Variants in PTPRD observed in about 807,000 individuals in gnomAD.
PTPRD encodes protein tyrosine phosphatase receptor type D, also known as receptor-type tyrosine-protein phosphatase delta.
Under a neutral mutation model 214.5 loss-of-function variants are expected in PTPRD, and 34 were observed. That is an observed-to-expected ratio of 0.16 (90% CI 0.12 to 0.21). The LOEUF (loss-of-function observed/expected upper bound fraction) is 0.21, where lower values mean the gene tolerates loss of function less well. Among genes scored for constraint, PTPRD ranks in the 10% least tolerant of loss-of-function variants. PTPRD has a pLI of 1.00. For missense variants in PTPRD, 2,545 were observed against 2,398.7 expected, an observed-to-expected ratio of 1.06 and a Z score of -1.27; for synonymous variants, 1,128 against 845.7, an observed-to-expected ratio of 1.33 and a Z score of -5.79.
chr9:8,982,731 T>A (rs1425331634), intron 11 of PTPRD, among the ~76,000 whole-genome samples: 1 of 152,042 alleles, frequency 6.6e-6, no homozygotes, highest in Non-Finnish European at 1.5e-5. Flanking sequence ...TTCTAGATTA[T>A]CAATTCATAT....
chr9:9,194,898 A>G (rs550656186), intron 9 of PTPRD, among the ~76,000 whole-genome samples: 16 of 152,072 alleles, frequency 1.1e-4, no homozygotes, highest in Admixed American at 3.3e-4. Flanking sequence ...TATCTTTAGT[A>G]AGTCAGTGAC....
intron 4 of PTPRD, among the ~76,000 whole-genome samples, chr9:9,998,129 A>AATATATATATATATATATATATATAT (rs1555449231): frequency 1.5e-4 from 14 of 91,442 alleles, no homozygotes; most frequent in African/African-American, 7.7e-4. Flanking sequence ...AAAAAAAAAA[A>AATATATATATATATATATATATATAT]ATATATATAT....
At chr9:8,768,244 AAAAAT>A (rs1299096695) in intron 11 of PTPRD, among the ~76,000 whole-genome samples, 1 of 152,172 alleles carries the variant, frequency 6.6e-6, no homozygotes, top group Non-Finnish European at 1.5e-5. Flanking sequence ...AAAAAAATTA[AAAAAT>A]AAAATAACAC....
At chr9:8,708,399 T>C (rs576490594) in intron 12 of PTPRD, among the ~76,000 whole-genome samples, 12 of 151,944 alleles carry the variant, frequency 7.9e-5, no homozygotes, top group African/African-American at 2.9e-4. Context: ...ACAGGCCAGG[T>C]GCAGTGGCTC....
At chr9:9,290,070 C>T (rs1220634912) in intron 9 of PTPRD, among the ~76,000 whole-genome samples, 1 of 151,644 alleles carries the variant, frequency 6.6e-6, no homozygotes, top group Non-Finnish European at 1.5e-5. Context: ...TTTGTATTCC[C>T]ACCAATGGTA....
rs540802826 is a variant in PTPRD at position 8,902,779 on chromosome 9, G to A, written c.-104+115918C>T. ...CAAATCTGTCCAACACATGGTATAC[G>A]GTGGTTAAAAAATCTATTTGAATTT... On this transcript the variant is annotated intron_variant, in intron 11 of 45. Transcript: ENST00000381196. Among the ~76,000 whole-genome samples the A allele has an allele frequency of 1.4e-4, 21 of 152,226 alleles. No individual in the cohort carries two copies. The South Asian group carries it at 4.2e-3, about 30-fold the overall frequency.
At chr9:8,377,552 A>G (rs1488465080) in intron 37 of PTPRD, among the ~76,000 whole-genome samples, 3 of 152,076 alleles carry the variant, frequency 2.0e-5, no homozygotes, top group Admixed American at 1.3e-4. Flanking sequence ...ACACAGCACA[A>G]TATTTTTGGA....
At chr9:9,084,143 G>T (rs533805333) in intron 10 of PTPRD, among the ~76,000 whole-genome samples, 1 of 152,058 alleles carries the variant, frequency 6.6e-6, no homozygotes, top group Non-Finnish European at 1.5e-5. Flanking sequence ...CAAAGACTTG[G>T]AACCAACCCA....
intron 5 of PTPRD, among the ~76,000 whole-genome samples, chr9:9,810,705 A>C (rs1172977132): frequency 6.6e-6 from 1 of 152,184 alleles, no homozygotes; most frequent in Admixed American, 6.5e-5. Context: ...AAGGATATCA[A>C]TGTTTTTATG....
intron 8 of PTPRD, among the ~76,000 whole-genome samples, chr9:9,501,346 T>A (rs1296398089): frequency 6.6e-6 from 1 of 151,932 alleles, no homozygotes; most frequent in Non-Finnish European, 1.5e-5. Flanking sequence ...TCAGAAAAAG[T>A]AGGCTTCTAA....
At chr9:8,611,612 G>A (rs970053998) in intron 14 of PTPRD, among the ~76,000 whole-genome samples, 1 of 151,888 alleles carries the variant, frequency 6.6e-6, no homozygotes, top group African/African-American at 2.4e-5. Flanking sequence ...GGGTCAGGTG[G>A]GAGGACCACC....
chr9:9,331,831 G>C (rs1051622480), intron 9 of PTPRD, among the ~76,000 whole-genome samples: 1 of 151,964 alleles, frequency 6.6e-6, no homozygotes, highest in Non-Finnish European at 1.5e-5. Context: ...TTTGGGGCTT[G>C]GGAGATCATC....
At chr9:9,742,258 A>G (rs1487291043) in intron 6 of PTPRD, among the ~76,000 whole-genome samples, 1 of 152,176 alleles carries the variant, frequency 6.6e-6, no homozygotes, top group Non-Finnish European at 1.5e-5. Flanking sequence ...AACTTAAGGA[A>G]GAGACGTGCA....
chr9:10,256,127 C>G (rs1350827500), intron 3 of PTPRD, among the ~76,000 whole-genome samples: 1 of 152,206 alleles, frequency 6.6e-6, no homozygotes, highest in African/African-American at 2.4e-5. Flanking sequence ...TGTGGTGGAA[C>G]AGTTTCATCC....
intron 9 of PTPRD, among the ~76,000 whole-genome samples, chr9:9,339,750 G>T (rs2046041731): frequency 6.6e-6 from 1 of 152,028 alleles, no homozygotes; most frequent in African/African-American, 2.4e-5. Flanking sequence ...TAAGAACATT[G>T]CTTATTACCC....
intron 2 of PTPRD, among the ~76,000 whole-genome samples, chr9:10,470,391 A>G (rs1156460413): frequency 6.6e-6 from 1 of 152,206 alleles, no homozygotes; most frequent in African/African-American, 2.4e-5. Context: ...TTATCATAGT[A>G]AATGGATTTC....
chr9:10,133,815 T>C (rs970996169), intron 3 of PTPRD, among the ~76,000 whole-genome samples: 2 of 152,212 alleles, frequency 1.3e-5, no homozygotes, highest in Non-Finnish European at 2.9e-5. Flanking sequence ...ATACATGATC[T>C]GGAAAGATAG....
intron 14 of PTPRD, among the ~76,000 whole-genome samples, chr9:8,575,662 A>G (rs889615641): frequency 3.9e-5 from 6 of 152,168 alleles, no homozygotes; most frequent in Admixed American, 2.6e-4. Context: ...TTCCATTACA[A>G]TGTCAGAAAA....
In PTPRD at chr9:9,183,320, T is replaced by C. The variant is rs2099929329; in HGVS notation, c.-159A>G. On this transcript the variant is annotated 5_prime_UTR_variant, in exon 10 of 46. Transcript: ENST00000381196. ...TGGACTCACCTTGAGTTAGCCACCG[T>C]CGGTGTTTTCAGACACAGTCCCTGG... 6.6e-6 allele frequency: 1 copy of C among 152,000 alleles called. No homozygotes were observed. 9.4% of individuals were successfully genotyped at this position (152,000 alleles called of 1,614,324 possible).
Sources: gnomAD v4.1 joint callset for allele counts (sites outside exome capture counted in the v4.1 genomes callset) on GRCh38, gnomAD v4.1.1 for gene constraint, MANE v1.5 for transcripts, NCBI Gene and HGNC (gene_info 2026-07-23, HGNC 2026-07-21) for gene names.